Variants in CCDC102B observed in about 807,000 individuals in gnomAD.
CCDC102B encodes the protein coiled-coil domain containing 102B, also known as coiled-coil domain-containing protein 102B.
In CCDC102B, 75 loss-of-function variants were observed where a neutral mutation model predicts 57.4. The observed-to-expected ratio is 1.31, with a 90% confidence interval of 1.08 to 1.58. The LOEUF is 1.58. Ranked by LOEUF, CCDC102B falls within the 40% of genes most tolerant of loss-of-function variation. The pLI, the probability that CCDC102B is intolerant of heterozygous loss-of-function variation, is 0.00. For synonymous variants in CCDC102B, 206 were observed against 201.9 expected (o/e 1.02, Z -0.17); for missense variants, 636 against 582.6 (o/e 1.09, Z -0.94).
intron 1 of CCDC102B, among the ~76,000 whole-genome samples, chr18:68,827,516 T>C (rs1214247834): frequency 6.6e-6 from 1 of 151,972 alleles, no homozygotes; most frequent in Non-Finnish European, 1.5e-5. Context: ...ATACTGTACA[T>C]ATATCAGCCA....
intron 6 of CCDC102B, among the ~76,000 whole-genome samples, chr18:68,931,912 A>G (rs1405226421): frequency 6.6e-6 from 1 of 151,942 alleles, no homozygotes; most frequent in East Asian, 1.9e-4. Context: ...GTAGCTATAT[A>G]GTGTCTTTTA....
At chr18:69,030,016 G>A (rs1247365565) in intron 7 of CCDC102B, among the ~76,000 whole-genome samples, 2 of 152,060 alleles carry the variant, frequency 1.3e-5, no homozygotes, top group African/African-American at 4.8e-5. Flanking sequence ...AACCAAAAGT[G>A]TGCCAGCTTT....
rs148377917 is a variant in CCDC102B, at chr18:68,967,592, G to A, written c.1264-43342G>A. 2.4e-4 allele frequency among the ~76,000 whole-genome samples: 37 copies of A among 152,072 alleles called. No individual in the cohort carries two copies. The East Asian group carries it at 7.2e-3, about 29-fold the overall frequency. ...TTACTGTGTATTACATACTATCTTA[G>A]GTGTTATAGAAATTAAAAATAAAGA... On this transcript the variant is annotated intron_variant, in intron 6 of 7. Coordinates refer to ENST00000360242, the MANE Select transcript of CCDC102B (RefSeq NM_024781.3).
Position 69,054,269 on chromosome 18 carries a change from T to C in CCDC102B, c.*132T>C. 7.5e-7 allele frequency: 1 copy of C among 1,333,710 alleles called. No homozygotes were observed. The highest frequency in any genetic ancestry group is 2.1e-5 in the South Asian group (1 of 47,212). 82.6% of individuals were successfully genotyped at this position (1,333,710 alleles called of 1,614,324 possible). The stretch of plus-strand genomic sequence containing the variant: ...AAAAAAACGTAGACAATACACAAAT[T>C]AATGGGCTTCTTCACTTCTTCTAAT... On this transcript the variant is annotated 3_prime_UTR_variant, in exon 8 of 8. Coordinates refer to ENST00000360242, the MANE Select transcript of CCDC102B (RefSeq NM_024781.3).
chr18:69,037,728 T>A (rs2052332914), intron 7 of CCDC102B, among the ~76,000 whole-genome samples: 1 of 151,798 alleles, frequency 6.6e-6, no homozygotes, highest in Non-Finnish European at 1.5e-5. Context: ...AATAGAAAAA[T>A]TCAGAATATA....
chr18:68,765,320 G>GAAAGAAAGAAAGAAA (rs1568238728), intron 2 of CCDC102B, among the ~76,000 whole-genome samples: 13 of 40,638 alleles, frequency 3.2e-4, no homozygotes, highest in African/African-American at 4.6e-4. Flanking sequence ...AAGGAAGGAA[G>GAAAGAAAGAAAGAAA]GAAGGAAAGA....
At chr18:68,783,686 T>A (rs866692859) in intron 2 of CCDC102B, among the ~76,000 whole-genome samples, 4 of 152,174 alleles carry the variant, frequency 2.6e-5, no homozygotes, top group African/African-American at 7.2e-5. Context: ...TTCCCATATA[T>A]TTTTGGTGTT....
chr18:68,873,863 T>C (rs1219135102), intron 4 of CCDC102B, among the ~76,000 whole-genome samples: 1 of 151,650 alleles, frequency 6.6e-6, no homozygotes, highest in East Asian at 1.9e-4. Flanking sequence ...GCTTAAAATA[T>C]ATGTCAATAC....
At chr18:68,814,929 C>T (rs1256081497) in intron 1 of CCDC102B, among the ~76,000 whole-genome samples, 1 of 151,912 alleles carries the variant, frequency 6.6e-6, no homozygotes, top group Non-Finnish European at 1.5e-5. Context: ...TGATACACAC[C>T]TATATCACTG....
At chr18:69,044,865 A>G (rs2052520668) in intron 7 of CCDC102B, among the ~76,000 whole-genome samples, 2 of 152,188 alleles carry the variant, frequency 1.3e-5, no homozygotes, top group Admixed American at 1.3e-4. Context: ...CAAATTGAGT[A>G]GCTTAAACAA....
chr18:68,895,594 T>C (rs1486160039), intron 5 of CCDC102B, among the ~76,000 whole-genome samples: 1 of 151,770 alleles, frequency 6.6e-6, no homozygotes, highest in African/African-American at 2.4e-5. Flanking sequence ...TTTATCCTTT[T>C]GAGATATTTT....
intron 2 of CCDC102B, among the ~76,000 whole-genome samples, chr18:68,717,562 G>A (rs1436413957): frequency 6.6e-6 from 1 of 152,096 alleles, no homozygotes; most frequent in Non-Finnish European, 1.5e-5. Flanking sequence ...TCAAAATAAT[G>A]CATTAATCTG....
Position 68,778,370 on chromosome 18 carries a change from T to C in CCDC102B, c.-66-44996T>C, listed in dbSNP as rs148343343. On this transcript the variant is annotated intron_variant, in intron 2 of 3. Transcript: ENST00000578970. ...TGATTTCTACCATTTCTGTATAAGT[T>C]TGATTGCCAGAAATCCTTTCTTTTA... Among the ~76,000 whole-genome samples, 279 of 152,278 alleles carry C rather than the reference T, an allele frequency of 1.8e-3. 2 individuals are homozygous for C. The highest frequency in any genetic ancestry group is 6.5e-3 in the African/African-American group (270 of 41,576).
chr18:68,755,544 T>C (rs891876433), intron 2 of CCDC102B, among the ~76,000 whole-genome samples: 17 of 152,172 alleles, frequency 1.1e-4, no homozygotes, highest in African/African-American at 3.9e-4. Context: ...TTATAAAAGC[T>C]GCAATGTAAA....
intron 6 of CCDC102B, among the ~76,000 whole-genome samples, chr18:68,952,317 T>A (rs771976559): frequency 7.2e-5 from 11 of 152,086 alleles, no homozygotes; most frequent in Non-Finnish European, 1.3e-4. Context: ...AAAATCATAA[T>A]AATCAAATAC....
intron 6 of CCDC102B, among the ~76,000 whole-genome samples, chr18:68,926,135 A>G (rs762933773): frequency 2.6e-5 from 4 of 151,970 alleles, no homozygotes; most frequent in Non-Finnish European, 5.9e-5. Flanking sequence ...GGAATATTTC[A>G]TGATTCTTTC....
At chr18:68,745,123 G>C (rs1191163245) in intron 2 of CCDC102B, among the ~76,000 whole-genome samples, 1 of 152,160 alleles carries the variant, frequency 6.6e-6, no homozygotes, top group East Asian at 1.9e-4. Flanking sequence ...AGAGGTAGGA[G>C]AGGAGGCAGT....
intron 5 of CCDC102B, among the ~76,000 whole-genome samples, chr18:68,896,788 A>G (rs1272455969): frequency 6.6e-6 from 1 of 151,900 alleles, no homozygotes; most frequent in Non-Finnish European, 1.5e-5. Flanking sequence ...ATAGAGATAG[A>G]GAGATCCATA....
intron 2 of CCDC102B, among the ~76,000 whole-genome samples, chr18:68,761,020 T>C (rs760196377): frequency 8.5e-5 from 13 of 152,056 alleles, no homozygotes; most frequent in East Asian, 3.9e-4. Context: ...CAATGAATAC[T>C]AGTAGAGATG....
Sources: gnomAD v4.1 joint callset for allele counts (sites outside exome capture counted in the v4.1 genomes callset) on GRCh38, gnomAD v4.1.1 for gene constraint, MANE v1.5 for transcripts, NCBI Gene and HGNC (gene_info 2026-07-23, HGNC 2026-07-21) for gene names.